Variants in BRD9 observed in about 807,000 individuals in gnomAD.
BRD9 encodes bromodomain-containing protein 9.
In BRD9, 47 loss-of-function variants were observed where a neutral mutation model predicts 68.7. The ratio of observed to expected loss-of-function variants is 0.68; its 90% CI spans 0.54 to 0.87. The LOEUF is 0.87. BRD9 is among the 40% of genes least tolerant of loss of function. The pLI is 0.00. For missense variants in BRD9, 670 were observed against 748.4 expected, an observed-to-expected ratio of 0.90 and a Z score of 1.22; for synonymous variants, 313 against 293.9, an observed-to-expected ratio of 1.06 and a Z score of -0.67.
intron 14 of BRD9, 138 bp downstream of exon 14, chr5:870,335 C>G (rs935326154): frequency 6.0e-6 from 4 of 667,296 alleles, no homozygotes; most frequent in African/African-American, 5.4e-5. Context: ...AAACCTGGGA[C>G]AAAGACCAAA....
rs941254633 is a variant in BRD9, at chr5:885,686, A to G, written c.833+906T>C. Among the ~76,000 whole-genome samples, 7 of 152,362 alleles carry G rather than the reference A, an allele frequency of 4.6e-5. No individual in the cohort carries two copies. The East Asian group carries it at 1.2e-3, about 25-fold the overall frequency. On this transcript the variant is annotated intron_variant, in intron 7 of 15. Transcript: ENST00000467963. ...CCACAGTGCTGTCAGACACACGGCC[A>G]TGAGGGTGGATGTCCTGAGACTGCG...
chr5:883,292 A>G (rs1448111912), intron 8 of BRD9: 1 of 456,468 alleles, frequency 2.2e-6, no homozygotes. Context: ...TACAGACTAC[A>G]TGTTGAGATA....
Position 870,461 on chromosome 5 carries a change from G to C in BRD9, c.1525+12C>G. ...CACCAGGTGCTGTGGGAAAGTGCCT[G>C]TTACAACTCACCCAGAGAGCTGAGC... On this transcript the variant is annotated intron_variant, in intron 14 of 15. Coordinates refer to ENST00000467963, the MANE Select transcript of BRD9 (RefSeq NM_023924.5). 6.2e-7 allele frequency: 1 copy of C among 1,606,178 alleles called. No individual in the cohort carries two copies. The highest frequency in any genetic ancestry group is 1.3e-5 in the African/African-American group (1 of 74,816).
intron 8 of BRD9, chr5:882,312 C>G (rs1332001221): frequency 6.3e-6 from 1 of 158,800 alleles, no homozygotes; most frequent in Non-Finnish European, 1.4e-5. Flanking sequence ...CACAACTTCC[C>G]AACACATGAG....
At chr5:883,389 G>C in intron 8 of BRD9, 1 of 456,924 alleles carries the variant, frequency 2.2e-6, no homozygotes, top group Non-Finnish European at 4.4e-6. Flanking sequence ...CTGCTAGGAA[G>C]CCTGAGACTG....
chr5:865,505 C>T lies in BRD9; in HGVS notation c.1602G>A (p.Leu534=), dbSNP rs1749255322. ...CGCCGCGCTCCGCCTGTGCTTCGTG[C>T]AGGTCCTGCAGGAGCTTCGTCGTCT... ...LDETTKLLQD[L]HEAQAERGGS... The change falls in exon 15 of 16, where the codon CTG becomes CTA. Residue 534 remains leucine (L), a synonymous_variant. Coordinates refer to ENST00000467963, the MANE Select transcript of BRD9 (RefSeq NM_023924.5). The T allele has an allele frequency of 6.2e-7, 1 of 1,608,058 alleles. No homozygotes were observed. Among genetic ancestry groups the T allele is most frequent in the East Asian group, 2.2e-5 (1 of 44,836 alleles).
chr5:873,641 T>G (rs558997047), intron 12 of BRD9, among the ~76,000 whole-genome samples: 2 of 152,336 alleles, frequency 1.3e-5, no homozygotes, highest in South Asian at 4.1e-4. Context: ...GATTTATACA[T>G]GAGCCTCCTG....
chr5:868,234 C>CCAAACAGCCTGAGGAACTGTGAGTCAAT (rs1749640008), intron 14 of BRD9, among the ~76,000 whole-genome samples: 3 of 152,228 alleles, frequency 2.0e-5, no homozygotes, highest in Non-Finnish European at 4.4e-5. Context: ...GCCATGCCTC[C>CCAAACAGCCTGAGGAACTGTGAGTCAAT]CAAACAGCCT....
At chr5:888,554 G>C (rs951464908) in intron 5 of BRD9, 1 of 152,550 alleles carries the variant, frequency 6.6e-6, no homozygotes, top group African/African-American at 2.4e-5. Flanking sequence ...AAACCAATGA[G>C]CAGTTGCTAA....
At chr5:875,211 TTTC>T (rs1396257465) in intron 12 of BRD9, among the ~76,000 whole-genome samples, 1 of 152,194 alleles carries the variant, frequency 6.6e-6, no homozygotes, top group Non-Finnish European at 1.5e-5. Context: ...TCTTCTTCCT[TTTC>T]TTTTCTGTAA....
rs1360144872 is a variant in BRD9, at chr5:882,716, C to T, written c.966+1222G>A. Among the ~76,000 whole-genome samples, 9 of 151,072 alleles carry T rather than the reference C, an allele frequency of 6.0e-5. No homozygotes were observed. The East Asian group carries it at 9.9e-4, about 17-fold the overall frequency. On this transcript the variant is annotated intron_variant, in intron 8 of 15. Coordinates refer to ENST00000467963, the MANE Select transcript of BRD9 (RefSeq NM_023924.5). ...CCACAACCTCCCAACACATAAGCCA[C>T]ACAGACCACAGCAACTTCCCAACAC...
At chr5:887,132 C>G (rs1322271258) in intron 6 of BRD9, among the ~76,000 whole-genome samples, 1 of 152,242 alleles carries the variant, frequency 6.6e-6, no homozygotes, top group Non-Finnish European at 1.5e-5. Context: ...GACACCCAGG[C>G]TTAAGATCAA....
At chr5:865,994 G>GA (rs1358840672) in intron 14 of BRD9, 2 of 161,880 alleles carry the variant, frequency 1.2e-5, no homozygotes, top group Non-Finnish European at 2.7e-5. Flanking sequence ...GTTCACTGTG[G>GA]AGCAGGTTCC....
chr5:884,430 A>C (rs1752257021), intron 7 of BRD9, among the ~76,000 whole-genome samples: 1 of 152,218 alleles, frequency 6.6e-6, no homozygotes, highest in Non-Finnish European at 1.5e-5. Flanking sequence ...GCCACCCCTG[A>C]CTACGCAGGG....
chr5:892,051 G>A, intron 1 of BRD9, 197 bp from the exon 2 acceptor site: 1 of 862,716 alleles, frequency 1.2e-6, no homozygotes. Flanking sequence ...CCTCCGCAGG[G>A]AGCTTCAGGT....
intron 15 of BRD9, among the ~76,000 whole-genome samples, chr5:865,109 C>T (rs1156751401): frequency 2.6e-5 from 4 of 152,360 alleles, no homozygotes; most frequent in Admixed American, 1.3e-4. Context: ...AAGCCATGCT[C>T]TCTCCCCAGC....
chr5:889,185 A>G lies in BRD9; in HGVS notation c.462-20T>C. 1.2e-6 allele frequency: 2 copies of G among 1,600,138 alleles called. No individual in the cohort carries two copies. Among genetic ancestry groups the G allele is most frequent in the Non-Finnish European group, 1.7e-6 (2 of 1,176,616 alleles). ...TCTTTTCTGAAAGCAAAGACATCTTAAAGCGGAAAAATCTAGATTTCTAAA... is the reference window on the plus strand; with the variant it reads ...TCTTTTCTGAAAGCAAAGACATCTTGAAGCGGAAAAATCTAGATTTCTAAA... On this transcript the variant is annotated intron_variant, in intron 4 of 15. Coordinates refer to ENST00000467963, the MANE Select transcript of BRD9 (RefSeq NM_023924.5).
At chr5:890,982 T>G (rs1753276084) in intron 3 of BRD9, among the ~76,000 whole-genome samples, 173 bp downstream of exon 3, 1 of 152,148 alleles carries the variant, frequency 6.6e-6, no homozygotes, top group South Asian at 2.1e-4. Context: ...GCTCTAGACA[T>G]TCAGAGACAC....
intron 4 of BRD9, 109 bp from the exon 5 acceptor site, chr5:889,274 TAAA>T (rs1351031178): frequency 1.1e-4 from 133 of 1,218,224 alleles, no homozygotes; most frequent in Non-Finnish European, 1.1e-5. Context: ...TTCTTAAAAA[TAAA>T]AAAGTTACGA....
Sources: allele counts gnomAD v4.1 joint callset (sites outside exome capture counted in the v4.1 genomes callset), GRCh38; gene constraint gnomAD v4.1.1; transcripts MANE v1.5; gene names NCBI Gene and HGNC (gene_info 2026-07-23, HGNC 2026-07-21).